GPC6: variants seen among roughly 807,000 people sequenced by gnomAD.
GPC6 encodes the protein glypican-6.
In GPC6, 14 loss-of-function variants were observed where a neutral mutation model predicts 55.2. That is an observed-to-expected ratio of 0.25 (90% confidence interval 0.17 to 0.40). The LOEUF (loss-of-function observed/expected upper bound fraction) is 0.40, where lower values mean the gene tolerates loss of function less well. GPC6 is among the 10% of genes least tolerant of loss of function. The pLI is 1.00. For missense variants in GPC6, 641 were observed against 708.5 expected, an observed-to-expected ratio of 0.90 and a Z score of 1.08; for synonymous variants, 278 against 259.6, an observed-to-expected ratio of 1.07 and a Z score of -0.68.
intron 4 of GPC6, among the ~76,000 whole-genome samples, chr13:94,042,555 T>C (rs1214195224): frequency 6.6e-6 from 1 of 151,858 alleles, no homozygotes; most frequent in African/African-American, 2.4e-5. Context: ...CCACTTTCCT[T>C]ATCTCTTATG....
At chr13:94,205,292 A>G (rs962599457) in intron 4 of GPC6, among the ~76,000 whole-genome samples, 3 of 152,208 alleles carry the variant, frequency 2.0e-5, no homozygotes, top group Non-Finnish European at 4.4e-5. Context: ...GTCTCCAGGC[A>G]TGTGTCTTTG....
At chr13:94,385,305 T>C (rs1880354658) in intron 7 of GPC6, among the ~76,000 whole-genome samples, 1 of 151,570 alleles carries the variant, frequency 6.6e-6, no homozygotes, top group South Asian at 2.1e-4. Flanking sequence ...GTGAGCCCAG[T>C]GAACCTGGAA....
intron 2 of GPC6, among the ~76,000 whole-genome samples, chr13:93,793,210 A>AAGTC (rs1291158262): frequency 6.6e-6 from 1 of 152,202 alleles, no homozygotes; most frequent in Non-Finnish European, 1.5e-5. Flanking sequence ...CTGTGAAACT[A>AAGTC]AGTCATTCAT....
At chr13:93,500,074 T>G (rs945898035) in intron 1 of GPC6, among the ~76,000 whole-genome samples, 1 of 152,192 alleles carries the variant, frequency 6.6e-6, no homozygotes. Context: ...TTCCCTCTGT[T>G]TCTCAGTGCT....
Position 93,227,185 on chromosome 13 carries a change from T to C in GPC6, c.-272T>C, listed in dbSNP as rs1305064959. 2.7e-6 allele frequency: 1 copy of C among 368,310 alleles called. No individual in the cohort carries two copies. Among genetic ancestry groups the C allele is most frequent in the Non-Finnish European group, 4.9e-6 (1 of 204,622 alleles). The allele number at this position is 368,310 out of a possible 1,614,324, so 22.8% of individuals were successfully genotyped here. A position where few individuals can be genotyped will look rare whatever the true frequency, so the allele number is the denominator to read the frequency against. On this transcript the variant is annotated 5_prime_UTR_variant, in exon 1 of 9. Coordinates refer to ENST00000377047, the MANE Select transcript of GPC6 (RefSeq NM_005708.5). The surrounding 1 kb of genome is among the most constrained non-coding windows in gnomAD (Gnocchi z 4.3). ...CTTCTTTTCCTTCTCTTCCTCGTTT[T>C]GATTGCACCGTTTCCATCTGGGGGC...
chr13:94,048,075 A>G (rs1203100573), intron 4 of GPC6, among the ~76,000 whole-genome samples: 1 of 152,016 alleles, frequency 6.6e-6, no homozygotes, highest in East Asian at 1.9e-4. Context: ...AAGAAATAGC[A>G]AAGTTAATTT....
At chr13:93,661,891 A>G (rs1163852991) in intron 2 of GPC6, among the ~76,000 whole-genome samples, 2 of 152,154 alleles carry the variant, frequency 1.3e-5, no homozygotes, top group East Asian at 1.9e-4. Flanking sequence ...GAGGGGCACT[A>G]TATGTTTCAG....
intron 2 of GPC6, among the ~76,000 whole-genome samples, chr13:93,623,450 CTTTTCTTTTTT>C (rs990603314): frequency 1.5e-5 from 1 of 66,252 alleles, no homozygotes; most frequent in African/African-American, 4.0e-5. Flanking sequence ...CTTTTCTTTT[CTTTTCTTTTTT>C]TTTTTTTTTT....
rs143019174 is a variant in GPC6 at position 93,436,124 on chromosome 13, C to T, written c.161-109139C>T. Among the ~76,000 whole-genome samples the T allele has an allele frequency of 1.6e-3, 245 of 152,228 alleles. 5 individuals carry two copies. The South Asian group carries it at 0.038, about 24-fold the overall frequency. ...GTAACTGTAACCTAGAAGCTAGCAG[C>T]TGACTATTGCAATTTTATATCAAAA... On this transcript the variant is annotated intron_variant, in intron 1 of 8. Coordinates refer to ENST00000377047, the MANE Select transcript of GPC6 (RefSeq NM_005708.5).
At position 93,974,138 on chromosome 13, in the gene GPC6, G is replaced by C. The variant is rs190634288; in HGVS notation, c.712-53591G>C. On this transcript the variant is annotated intron_variant, in intron 3 of 8. Transcript: ENST00000377047. ...TAACTTTCCCCAGTGCCTTCTTTTGGCAGGTTCCCCTGCCCCAACACACAG... is the reference window on the plus strand; with the variant it reads ...TAACTTTCCCCAGTGCCTTCTTTTGCCAGGTTCCCCTGCCCCAACACACAG... 1.6e-3 allele frequency among the ~76,000 whole-genome samples: 244 copies of C among 152,282 alleles called. 1 individual carries two copies. The highest frequency in any genetic ancestry group is 5.6e-3 in the African/African-American group (232 of 41,554).
chr13:93,722,373 C>T (rs970291723), intron 2 of GPC6, among the ~76,000 whole-genome samples: 1 of 151,754 alleles, frequency 6.6e-6, no homozygotes, highest in Non-Finnish European at 1.5e-5. Flanking sequence ...AGTAATATGA[C>T]AAATACTTCC....
intron 2 of GPC6, among the ~76,000 whole-genome samples, chr13:93,766,621 G>A: frequency 6.6e-6 from 1 of 151,942 alleles, no homozygotes; most frequent in Middle Eastern, 3.2e-3. Flanking sequence ...ATTTTAAGTG[G>A]ACTTAAATTT....
chr13:93,362,804 A>G (rs1035517861), intron 1 of GPC6, among the ~76,000 whole-genome samples: 5 of 152,140 alleles, frequency 3.3e-5, no homozygotes, highest in Admixed American at 6.6e-5. Context: ...TCCTAAATAA[A>G]TGTTTCTTAA....
chr13:93,750,923 T>A (rs1884555354), intron 2 of GPC6, among the ~76,000 whole-genome samples: 2 of 152,154 alleles, frequency 1.3e-5, no homozygotes, highest in Middle Eastern at 3.2e-3. Context: ...CTTTTCCAGA[T>A]GTCCAGGGGA....
At chr13:94,051,801 G>C (rs1883957775) in intron 4 of GPC6, among the ~76,000 whole-genome samples, 1 of 151,942 alleles carries the variant, frequency 6.6e-6, no homozygotes, top group Non-Finnish European at 1.5e-5. Context: ...ATAGAATTTG[G>C]GTTAGAAGTG....
At chr13:93,571,149 G>T (rs987095952) in intron 2 of GPC6, among the ~76,000 whole-genome samples, 2 of 152,064 alleles carry the variant, frequency 1.3e-5, no homozygotes, top group East Asian at 1.9e-4. Context: ...TGTATTGAGT[G>T]GAAGAGGTAA....
intron 3 of GPC6, among the ~76,000 whole-genome samples, chr13:93,875,698 G>GTA (rs1889271984): frequency 6.6e-6 from 1 of 152,024 alleles, no homozygotes; most frequent in African/African-American, 2.4e-5. Context: ...TGTGACACCT[G>GTA]GCAGGTGCCC....
At chr13:94,246,439 A>G (rs1891198139) in intron 4 of GPC6, among the ~76,000 whole-genome samples, 1 of 152,104 alleles carries the variant, frequency 6.6e-6, no homozygotes. Flanking sequence ...TGCCAAAGCC[A>G]GTGTCAAGGA....
At chr13:94,377,303 A>G (rs1241806400) in intron 6 of GPC6, among the ~76,000 whole-genome samples, 7 of 122,130 alleles carry the variant, frequency 5.7e-5, no homozygotes, top group Non-Finnish European at 1.0e-4. Flanking sequence ...TCATCTGACA[A>G]AGGGCTAATA....
Sources: allele counts gnomAD v4.1 joint callset (sites outside exome capture counted in the v4.1 genomes callset), GRCh38; gene constraint gnomAD v4.1.1; non-coding constraint Gnocchi (gnomAD v3.1); transcripts MANE v1.5; gene names NCBI Gene and HGNC (gene_info 2026-07-23, HGNC 2026-07-21).